The following HS3ST4 variants were observed in gnomAD, a reference collection of about 807,000 sequenced individuals.
The protein encoded by HS3ST4 is heparan sulfate glucosamine 3-O-sulfotransferase 4.
In HS3ST4, 17 loss-of-function variants were observed where a neutral mutation model predicts 29.2. The observed-to-expected ratio is 0.58, with a 90% CI of 0.40 to 0.87. The LOEUF (loss-of-function observed/expected upper bound fraction) is 0.87. HS3ST4 is among the 40% of genes least tolerant of loss of function. HS3ST4 has a pLI of 0.00. For missense variants in HS3ST4, 627 were observed against 634.5 expected (o/e 0.99, Z 0.13); for synonymous variants, 314 against 285.7 (o/e 1.10, Z -1.00).
chr16:25,982,869 A>G (rs909328955), intron 1 of HS3ST4, among the ~76,000 whole-genome samples: 23 of 152,210 alleles, frequency 1.5e-4, no homozygotes, highest in Admixed American at 4.6e-4. Flanking sequence ...CTCTTCTTTA[A>G]AAACCTGTGT....
intron 1 of HS3ST4, among the ~76,000 whole-genome samples, chr16:25,949,418 CATGATTTCTAGTG>C (rs1968662193): frequency 6.6e-6 from 1 of 152,144 alleles, no homozygotes; most frequent in African/African-American, 2.4e-5. Context: ...TCTCTATGTT[CATGATTTCTAGTG>C]ATGTTTTTGA....
At chr16:26,037,783 G>T (rs1331554799) in intron 1 of HS3ST4, among the ~76,000 whole-genome samples, 1 of 152,106 alleles carries the variant, frequency 6.6e-6, no homozygotes, top group Admixed American at 6.5e-5. Flanking sequence ...AGGAAATTAG[G>T]GTGCCGCTAC....
rs115945567 is a variant in HS3ST4 at position 26,036,155 on chromosome 16, C to G, written c.735-99457C>G. ...AGGTAAAGTTATAGTTATAGAAAAGCTACAACTAAGTGGAATCAGGACATG... is the reference window on the plus strand; with the variant it reads ...AGGTAAAGTTATAGTTATAGAAAAGGTACAACTAAGTGGAATCAGGACATG... On this transcript the variant is annotated intron_variant, in intron 1 of 1. Transcript: ENST00000331351. Among the ~76,000 whole-genome samples the G allele has an allele frequency of 1.6e-3, 250 of 152,320 alleles. 1 individual carries two copies. The highest frequency in any genetic ancestry group is 5.6e-3 in the African/African-American group (232 of 41,584).
chr16:26,052,651 G>A (rs1005194206), intron 1 of HS3ST4, among the ~76,000 whole-genome samples: 8 of 152,176 alleles, frequency 5.3e-5, no homozygotes, highest in Non-Finnish European at 8.8e-5. Context: ...GATTACAGGC[G>A]TGAGCTACCA....
intron 1 of HS3ST4, among the ~76,000 whole-genome samples, chr16:25,841,270 G>A (rs1030152259): frequency 5.9e-5 from 9 of 151,792 alleles, no homozygotes; most frequent in East Asian, 2.0e-4. Flanking sequence ...CTCCCAAAGC[G>A]CTGGGATTAC....
intron 1 of HS3ST4, among the ~76,000 whole-genome samples, chr16:25,872,159 A>C (rs1221384943): frequency 2.6e-5 from 4 of 152,206 alleles, no homozygotes; most frequent in Admixed American, 1.3e-4. Context: ...AGGTGCATGC[A>C]AGCTGTCTCT....
chr16:26,128,021 CT>C (rs1275204066), intron 1 of HS3ST4, among the ~76,000 whole-genome samples: 1 of 152,112 alleles, frequency 6.6e-6, no homozygotes, highest in African/African-American at 2.4e-5. Context: ...TTCCTCTTAT[CT>C]TTATTCCTCC....
intron 1 of HS3ST4, among the ~76,000 whole-genome samples, chr16:25,779,062 T>TA (rs1280843842): frequency 3.3e-5 from 5 of 152,318 alleles, no homozygotes; most frequent in African/African-American, 1.2e-4. Flanking sequence ...CCTTGTCTCT[T>TA]ACAGCTGTGA....
intron 1 of HS3ST4, among the ~76,000 whole-genome samples, chr16:25,703,940 T>A (rs1966354353): frequency 6.6e-6 from 1 of 152,206 alleles, no homozygotes; most frequent in African/African-American, 2.4e-5. Context: ...CTCCAGCACA[T>A]CTATTGCTCT....
intron 1 of HS3ST4, among the ~76,000 whole-genome samples, chr16:25,744,739 A>G (rs1422237390): frequency 2.0e-5 from 3 of 152,154 alleles, no homozygotes; most frequent in Non-Finnish European, 2.9e-5. Context: ...GGTCTTTCCC[A>G]TACTGTTCTT....
intron 1 of HS3ST4, among the ~76,000 whole-genome samples, chr16:25,920,596 G>GC (rs760011689): frequency 0.16 from 18,249 of 116,942 alleles, 1,650 homozygotes; most frequent in Non-Finnish European, 0.18. Context: ...CCTCACTGCC[G>GC]CCCCCACCCC....
chr16:26,120,754 TTGTC>T (rs1226782485), intron 1 of HS3ST4, among the ~76,000 whole-genome samples: 11 of 152,336 alleles, frequency 7.2e-5, no homozygotes, highest in African/African-American at 2.2e-4. Flanking sequence ...TGGCTGAACA[TTGTC>T]TGTCTTGCTG....
chr16:25,902,591 A>G (rs1297591628), intron 1 of HS3ST4, among the ~76,000 whole-genome samples: 1 of 152,124 alleles, frequency 6.6e-6, no homozygotes, highest in East Asian at 1.9e-4. Flanking sequence ...AACCCTGGAA[A>G]GAGGTTTTCT....
chr16:25,898,955 C>T (rs751607316), intron 1 of HS3ST4, among the ~76,000 whole-genome samples: 2 of 152,210 alleles, frequency 1.3e-5, no homozygotes, highest in Non-Finnish European at 2.9e-5. Flanking sequence ...CTAACAGCAG[C>T]GTCTTATTTT....
intron 1 of HS3ST4, among the ~76,000 whole-genome samples, chr16:25,752,124 T>C (rs1451156277): frequency 6.6e-6 from 1 of 152,200 alleles, no homozygotes; most frequent in African/African-American, 2.4e-5. Context: ...CCATTCATTA[T>C]TCAGTGAATA....
intron 1 of HS3ST4, among the ~76,000 whole-genome samples, chr16:26,053,558 AGTGTG>A (rs1360374225): frequency 6.6e-6 from 1 of 152,142 alleles, no homozygotes; most frequent in Non-Finnish European, 1.5e-5. Flanking sequence ...GACTTCAGGA[AGTGTG>A]GTTCTGATCA....
chr16:25,911,143 A>G (rs1968234609), intron 1 of HS3ST4, among the ~76,000 whole-genome samples: 1 of 152,164 alleles, frequency 6.6e-6, no homozygotes, highest in Admixed American at 6.6e-5. Context: ...TGCAGAATGA[A>G]TCTCTCTGAG....
chr16:25,766,520 C>T (rs1176660971), intron 1 of HS3ST4, among the ~76,000 whole-genome samples: 1 of 152,204 alleles, frequency 6.6e-6, no homozygotes, highest in African/African-American at 2.4e-5. Flanking sequence ...CCTGTCCACT[C>T]ACTCACTGTT....
At chr16:25,839,734 G>A (rs894998845) in intron 1 of HS3ST4, among the ~76,000 whole-genome samples, 2 of 152,092 alleles carry the variant, frequency 1.3e-5, no homozygotes, top group African/African-American at 4.8e-5. Flanking sequence ...GAGAGTCTAG[G>A]TCAGTCATAA....
Sources: allele counts gnomAD v4.1 joint callset (sites outside exome capture counted in the v4.1 genomes callset), GRCh38; gene constraint gnomAD v4.1.1; transcripts MANE v1.5; gene names NCBI Gene and HGNC (gene_info 2026-07-23, HGNC 2026-07-21).